The following SI variants were observed in gnomAD, a reference collection of about 807,000 sequenced individuals.
SI encodes the protein sucrase-isomaltase, intestinal.
A neutral mutation model predicts 253.3 loss-of-function variants in SI; 235 were observed. The ratio of observed to expected loss-of-function variants is 0.93; its 90% confidence interval spans 0.83 to 1.03. The LOEUF (loss-of-function observed/expected upper bound fraction) is 1.03, where lower values mean the gene tolerates loss of function less well. Ranked by LOEUF, SI falls within the 50% of genes least tolerant of loss-of-function variation. The probability of loss-of-function intolerance (pLI) is 0.00; values close to 1 mark genes in which losing one functional copy is unlikely to be tolerated. For synonymous variants in SI, 819 were observed against 712.0 expected (o/e 1.15, Z -2.39); for missense variants, 2,442 against 2,211.1 (o/e 1.10, Z -2.09).
At chr3:164,991,099 T>C (rs1717712508) in intron 44 of SI, among the ~76,000 whole-genome samples, 1 of 152,114 alleles carries the variant, frequency 6.6e-6, no homozygotes, top group African/African-American at 2.4e-5. Context: ...ATGTGCAACA[T>C]CTGCCTGGGT....
intron 3 of SI, among the ~76,000 whole-genome samples, chr3:165,070,635 A>G (rs1380837534): frequency 6.6e-6 from 1 of 152,146 alleles, no homozygotes; most frequent in East Asian, 1.9e-4. Context: ...ATATAAATAC[A>G]TCTATAAACA....
chr3:165,077,560 G>A (rs1399129333), intron 1 of SI, among the ~76,000 whole-genome samples: 1 of 151,540 alleles, frequency 6.6e-6, no homozygotes, highest in Non-Finnish European at 1.5e-5. Flanking sequence ...TATTGCATCA[G>A]TAATTTTCAA....
upstream of SI, among the ~76,000 whole-genome samples, chr3:165,080,245 T>C (rs1053587101): frequency 1.3e-5 from 2 of 152,052 alleles, no homozygotes; most frequent in Non-Finnish European, 2.9e-5. Context: ...TAACAAGTTG[T>C]CTTTTTATTT....
rs1282652766 is a variant in SI at position 165,032,518 on chromosome 3, T to C, written c.2736+4A>G. On this transcript the variant is annotated splice_donor_region_variant and intron_variant, in intron 24 of 47. Coordinates refer to ENST00000264382, the MANE Select transcript of SI (RefSeq NM_001041.4). ...GCTAAAATATTTTAAAAGATTGTAA[T>C]TACCTGGTTAGAAGCATCATAAGTG... The C allele has an allele frequency of 1.7e-5, 27 of 1,584,324 alleles. No homozygotes were observed. The highest frequency in any genetic ancestry group is 2.2e-5 in the Non-Finnish European group (26 of 1,155,656).
At chr3:165,086,263 A>AT in the SI span, among the ~76,000 whole-genome samples, 7 of 152,252 alleles carry the variant, frequency 4.6e-5, no homozygotes, top group Admixed American at 1.3e-4. Flanking sequence ...TCAAAAAAAA[A>AT]GAAATCCTAA....
At chr3:165,089,290 G>T in the SI span, among the ~76,000 whole-genome samples, 1 of 152,010 alleles carries the variant, frequency 6.6e-6, no homozygotes, top group Non-Finnish European at 1.5e-5. Flanking sequence ...TTAAACTATT[G>T]ATTTATAAGT....
chr3:164,982,274 G>A lies in SI; in HGVS notation c.5384C>T (p.Ser1795Leu), dbSNP rs139504152. The change falls in exon 47 of 48, where the codon TCG (serine) becomes TTG (leucine). Residue 1795 changes from serine to leucine, a missense_variant. By Grantham distance (145) the Ser-to-Leu change is moderately radical. Coordinates refer to ENST00000264382, the MANE Select transcript of SI (RefSeq NM_001041.4). Reference protein sequence around the residue: ...VTLTYNGNKNSLPFNEDTTNM... With the variant: ...VTLTYNGNKNLLPFNEDTTNM... The stretch of plus-strand genomic sequence containing the variant: ...GGTAGTGTCTTCATTAAAAGGAAGC[G>A]AATTTTTATTTCCGTTATACGTTAG... The A allele has an allele frequency of 1.3e-4, 203 of 1,612,790 alleles. No individual in the cohort carries two copies. The highest frequency in any genetic ancestry group is 2.8e-4 in the African/African-American group (21 of 74,960).
At chr3:165,047,863 A>T (rs992163924) in intron 15 of SI, among the ~76,000 whole-genome samples, 1 of 151,584 alleles carries the variant, frequency 6.6e-6, no homozygotes, top group East Asian at 1.9e-4. Flanking sequence ...TATTTTCTAG[A>T]AGTTAACCAC....
At chr3:164,995,882 A>T (rs1717986411) in intron 40 of SI, among the ~76,000 whole-genome samples, 1 of 151,774 alleles carries the variant, frequency 6.6e-6, no homozygotes, top group South Asian at 2.1e-4. Context: ...GGACTTCGTA[A>T]ATATGAAATA....
chr3:165,063,402 G>T, intron 8 of SI, 40 bp downstream of exon 8: 1 of 928,510 alleles, frequency 1.1e-6, no homozygotes, highest in Non-Finnish European at 1.8e-6. Flanking sequence ...AACATTTCAA[G>T]TGAAATCTAT....
intron 25 of SI, among the ~76,000 whole-genome samples, chr3:165,027,440 C>T (rs1711989005): frequency 6.6e-6 from 1 of 151,238 alleles, no homozygotes; most frequent in South Asian, 2.1e-4. Context: ...GGGAATCCCC[C>T]CTAAATTGTT....
At chr3:165,076,499 G>A (rs1560023014) in intron 1 of SI, among the ~76,000 whole-genome samples, 1 of 151,572 alleles carries the variant, frequency 6.6e-6, no homozygotes, top group East Asian at 1.9e-4. Context: ...AAAAACTTCA[G>A]TTTTTTTCTT....
chr3:165,043,185 A>T lies in SI; in HGVS notation c.1888-10T>A. ...AGATGTCTGCTCCAACCTAAATAACAAATATATTTACTATTTATAATGTTA... is the reference window on the plus strand; with the variant it reads ...AGATGTCTGCTCCAACCTAAATAACTAATATATTTACTATTTATAATGTTA... On this transcript the variant is annotated splice_polypyrimidine_tract_variant and intron_variant, in intron 16 of 47. Coordinates refer to ENST00000264382, the MANE Select transcript of SI (RefSeq NM_001041.4). 6.5e-7 allele frequency: 1 copy of T among 1,548,204 alleles called. No individual in the cohort carries two copies. Among genetic ancestry groups the T allele is most frequent in the Non-Finnish European group, 8.9e-7 (1 of 1,122,786 alleles).
chr3:165,074,193 T>A (rs1331715081), intron 3 of SI, among the ~76,000 whole-genome samples: 2 of 152,188 alleles, frequency 1.3e-5, no homozygotes, highest in Non-Finnish European at 2.9e-5. Context: ...CTGGAACATA[T>A]ATACTCCCTC....
chr3:164,992,456 T>A, intron 41 of SI, 59 bp from the exon 42 acceptor site: 1 of 1,101,100 alleles, frequency 9.1e-7, no homozygotes, highest in South Asian at 1.4e-5. Flanking sequence ...CTGAATACCA[T>A]AAAATCATTA....
chr3:165,065,442 A>G lies in SI; in HGVS notation c.636-10T>C, dbSNP rs771193800. ...AATGCTGGTGTCAAACCTGCACCAT[A>G]AAAGAAATAAAGAAATAATCTAATA... On this transcript the variant is annotated splice_polypyrimidine_tract_variant and intron_variant, in intron 6 of 47. Coordinates refer to ENST00000264382, the MANE Select transcript of SI (RefSeq NM_001041.4). The G allele has an allele frequency of 1.8e-6, 2 of 1,140,710 alleles. No homozygotes were observed. The highest frequency in any genetic ancestry group is 7.3e-5 in the East Asian group (2 of 27,546). The allele number at this position is 1,140,710 out of a possible 1,614,324, so 70.7% of individuals were successfully genotyped here.
At position 165,046,939 on chromosome 3, in the gene SI, GT is replaced by G; in HGVS notation, c.1788del (p.Arg596SerfsTer7). On this transcript the variant is annotated frameshift_variant, in exon 16 of 48. Coordinates refer to ENST00000264382, the MANE Select transcript of SI (RefSeq NM_001041.4). LOFTEE classifies it high-confidence loss of function. ...LTRSTFAGSGRHAAHWLGDNT... is the reference protein window; with the variant it reads ...LTRSTFAGSGXHAAHWLGDNT... ...TTGTCTCCTAACCAATGCGCAGCAT[GT>G]CTTCCAGATCCAGCAAATGTTGAGC... is the stretch of plus-strand genomic sequence containing the variant. The G allele has an allele frequency of 6.2e-7, 1 of 1,612,670 alleles. No homozygotes were observed. Among genetic ancestry groups the G allele is most frequent in the Non-Finnish European group, 8.5e-7 (1 of 1,179,252 alleles).
At chr3:165,030,033 G>T (rs1712150358) in intron 25 of SI, among the ~76,000 whole-genome samples, 1 of 149,950 alleles carries the variant, frequency 6.7e-6, no homozygotes, top group Non-Finnish European at 1.5e-5. Context: ...AATGTCTCTG[G>T]GAAATTGCTG....
chr3:165,007,116 CT>C (rs1718551265), intron 36 of SI, among the ~76,000 whole-genome samples, 162 bp from the exon 37 acceptor site: 1 of 152,080 alleles, frequency 6.6e-6, no homozygotes, highest in South Asian at 2.1e-4. Flanking sequence ...TAATTATCAA[CT>C]TAAAATGGCC....
Sources: gnomAD v4.1 joint callset for allele counts (sites outside exome capture counted in the v4.1 genomes callset) on GRCh38, gnomAD v4.1.1 for gene constraint, MANE v1.5 for transcripts, NCBI Gene and HGNC (gene_info 2026-07-23, HGNC 2026-07-21) for gene names.